The following SYCE1 variants were observed in gnomAD, a reference collection of about 807,000 sequenced individuals.
SYCE1 encodes cancer/testis antigen 76.
In SYCE1, 37 loss-of-function variants were observed where a neutral mutation model predicts 55.1. That is an observed-to-expected ratio of 0.67 (90% CI 0.52 to 0.88). The LOEUF is 0.88. Ranked by LOEUF, SYCE1 falls within the 40% of genes least tolerant of loss-of-function variation. The pLI, the probability that SYCE1 is intolerant of heterozygous loss-of-function variation, is 0.00. For synonymous variants in SYCE1, 163 were observed against 159.4 expected (o/e 1.02, Z -0.17); for missense variants, 399 against 416.4 (o/e 0.96, Z 0.36).
At chr10:133,568,013 G>T (rs755748165), upstream of SYCE1, 15 of 604,546 alleles carry the variant, frequency 2.5e-5, 1 homozygote, top group East Asian at 5.2e-4. Context: ...GGGCAAGGGA[G>T]GAAGGGGGAG....
At chr10:133,565,640 T>C (rs761786690), upstream of SYCE1, 772 of 1,024,352 alleles carry the variant, frequency 7.5e-4, 1 homozygote, top group Non-Finnish European at 9.5e-4. Context: ...AATGCACTCC[T>C]GCGCGCGCCT....
Position 133,555,658 on chromosome 10 carries a change from CAGCT to C in SYCE1, c.765_768del (p.Ala256LeufsTer22). ...TGCAGCTGCTGGTGGCGCTGGGCAG[CAGCT>C]GCTAGGAGCTCCTCAGCCTTCCTGT... On this transcript the variant is annotated frameshift_variant, in exon 11 of 13. Transcript: ENST00000343131. LOFTEE classifies it high-confidence loss of function. 6.2e-7 allele frequency: 1 copy of C among 1,604,906 alleles called. No homozygotes were observed. The highest frequency in any genetic ancestry group is 8.5e-7 in the Non-Finnish European group (1 of 1,179,974).
At chr10:133,555,496 A>G (rs1052555338) in intron 11 of SYCE1, 58 bp from the exon 12 acceptor site, 180 of 1,611,560 alleles carry the variant, frequency 1.1e-4, no homozygotes, top group Non-Finnish European at 1.4e-4. Context: ...GAGGAGGGAC[A>G]AGAGGTTTTC....
At chr10:133,558,654 A>G in intron 4 of SYCE1, 2 of 563,784 alleles carry the variant, frequency 3.5e-6, no homozygotes, top group East Asian at 3.1e-5. Context: ...TATCTGAGGA[A>G]GCACAGACAG....
upstream of SYCE1, chr10:133,568,264 G>T: frequency 7.0e-7 from 1 of 1,421,890 alleles, no homozygotes; most frequent in Non-Finnish European, 9.6e-7. Context: ...GCGTTCCCCG[G>T]GTCCCGCGGC....
intron 4 of SYCE1, 165 bp from the exon 5 acceptor site, chr10:133,558,379 A>G (rs777358860): frequency 1.4e-6 from 1 of 728,306 alleles, no homozygotes; most frequent in Non-Finnish European, 2.4e-6. Context: ...CATTCCTTGT[A>G]AGCACCAAAG....
Position 133,560,120 on chromosome 10 carries a change from A to T in SYCE1, c.107T>A (p.Leu36Ter), listed in dbSNP as rs1851786439. The T allele has an allele frequency of 6.2e-7, 1 of 1,613,972 alleles. No homozygotes were observed. Among genetic ancestry groups the T allele is most frequent in the African/African-American group, 1.3e-5 (1 of 74,908 alleles). Residue 36 changes from leucine (L) to a stop codon, truncating the protein, a stop_gained, in exon 2 of 13, where the codon TTG becomes TAG. Coordinates refer to ENST00000343131, the MANE Select transcript of SYCE1 (RefSeq NM_001143764.3). LOFTEE classifies it high-confidence loss of function. Reference protein sequence around the residue: ...QDTSSQKIEDLMEMVQKLQKV... With the variant: ...QDTSSQKIED ...CTGCAGCTTTTGCACCATTTCCATC[A>T]AGTCTTCAATTTTCTGTGAGGACGT...
chr10:133,562,203 A>T (rs1056641245), intron 1 of SYCE1, among the ~76,000 whole-genome samples: 8 of 152,170 alleles, frequency 5.3e-5, no homozygotes, highest in Middle Eastern at 3.4e-3. Context: ...GATCTTAAAA[A>T]TTTTTTAAAA....
rs1306123609 is a variant in SYCE1, at chr10:133,555,004, CT to C, written c.1043del (p.Lys348ArgfsTer14). ...DLSPRGFQEI[K>X]ELF is the part of the protein sequence containing the mutation. Reference sequence around the variant, plus strand: ...AGACTTAGCTGTATCAAAATAGCTCCTTTATTTCCTGAAAGCCCCTTGGGCT... The same window carrying C: ...AGACTTAGCTGTATCAAAATAGCTCCTTATTTCCTGAAAGCCCCTTGGGCT... On this transcript the variant is annotated frameshift_variant, in exon 13 of 13. Coordinates refer to ENST00000343131, the MANE Select transcript of SYCE1 (RefSeq NM_001143764.3). LOFTEE classifies it high-confidence loss of function. The C allele has an allele frequency of 1.3e-6, 2 of 1,536,140 alleles. No individual in the cohort carries two copies. Among genetic ancestry groups the C allele is most frequent in the Admixed American group, 4.1e-5 (2 of 48,712 alleles).
chr10:133,554,523 A>G (rs978872414), downstream of SYCE1: 10 of 658,012 alleles, frequency 1.5e-5, no homozygotes, highest in Admixed American at 1.1e-4. Context: ...CTTCCTGTCC[A>G]AAAGTGCCTG....
chr10:133,567,244 T>G (rs1341463618), upstream of SYCE1, among the ~76,000 whole-genome samples: 1 of 151,214 alleles, frequency 6.6e-6, no homozygotes, highest in East Asian at 2.0e-4. Context: ...GTTGGAGGCT[T>G]GGGTTCAGGG....
chr10:133,559,143 T>C (rs1183789688), intron 3 of SYCE1, 158 bp downstream of exon 3: 8 of 924,464 alleles, frequency 8.7e-6, no homozygotes, highest in Non-Finnish European at 1.3e-5. Flanking sequence ...ACTATGGCAG[T>C]CGCATGCTGA....
At chr10:133,565,784 C>T (rs914679415), upstream of SYCE1, among the ~76,000 whole-genome samples, 1 of 152,260 alleles carries the variant, frequency 6.6e-6, no homozygotes, top group African/African-American at 2.4e-5. Flanking sequence ...GGCCCGCTGC[C>T]GGGTGCCCCC....
intron 2 of SYCE1, chr10:133,559,601 T>C: frequency 1.9e-6 from 1 of 520,886 alleles, no homozygotes; most frequent in Admixed American, 3.1e-5. Flanking sequence ...CAAGGGAGGC[T>C]AAAGAGCAAA....
At chr10:133,556,177 C>T in intron 8 of SYCE1, 130 bp from the exon 9 acceptor site, 2 of 1,018,646 alleles carry the variant, frequency 2.0e-6, no homozygotes, top group South Asian at 3.1e-5. Context: ...TCTGTGCACA[C>T]CAGCTACAGT....
At chr10:133,559,675 G>T (rs1022748581) in intron 2 of SYCE1, 8 of 429,812 alleles carry the variant, frequency 1.9e-5, no homozygotes, top group African/African-American at 1.6e-4. Context: ...GTGGTGGGGG[G>T]CAGGCCCTGC....
chr10:133,557,903 A>G lies in SYCE1; in HGVS notation c.335T>C (p.Leu112Pro). The stretch of plus-strand genomic sequence containing the variant: ...TTCCTTTTCCTGGCAATGCAGCCGG[A>G]GGATCCTCAGGGTCTCTGTAGGGAG... ...LSKKQETLRILRLHCQEKESE... is the reference protein window; with the variant it reads ...LSKKQETLRIPRLHCQEKESE... The change falls in exon 6 of 13, where the codon CTC (leucine) becomes CCC (proline). Residue 112 changes from leucine (L) to proline (P), a missense_variant. Physicochemically the swap from Leu to Pro is moderately conservative, Grantham distance 98. Coordinates refer to ENST00000343131, the MANE Select transcript of SYCE1 (RefSeq NM_001143764.3). 5.0e-6 allele frequency: 8 copies of G among 1,614,088 alleles called. No homozygotes were observed. Among genetic ancestry groups the G allele is most frequent in the Non-Finnish European group, 6.8e-6 (8 of 1,180,030 alleles).
At chr10:133,561,392 G>A (rs1408455520) in intron 1 of SYCE1, among the ~76,000 whole-genome samples, 1 of 152,170 alleles carries the variant, frequency 6.6e-6, no homozygotes, top group Admixed American at 6.5e-5. Context: ...CCCATCCAGG[G>A]AATCCCTCAT....
chr10:133,562,293 G>A (rs1225467244), intron 1 of SYCE1, among the ~76,000 whole-genome samples: 1 of 141,594 alleles, frequency 7.1e-6, no homozygotes, highest in East Asian at 2.5e-4. Context: ...GTGTGTGTGT[G>A]TGTGTGTGTG....
Sources: gnomAD v4.1 joint callset for allele counts (sites outside exome capture counted in the v4.1 genomes callset) on GRCh38, gnomAD v4.1.1 for gene constraint, MANE v1.5 for transcripts, NCBI Gene and HGNC (gene_info 2026-07-23, HGNC 2026-07-21) for gene names.